The following BAIAP2L1 variants were observed in gnomAD, a reference collection of about 807,000 sequenced individuals.
The protein encoded by BAIAP2L1 is BAR/IMD domain containing adaptor protein 2 like 1.
BAIAP2L1 carries 35 observed loss-of-function variants against 66.3 expected under a neutral mutation model. That is an observed-to-expected ratio of 0.53 (90% CI 0.40 to 0.70). BAIAP2L1 has a LOEUF of 0.70. Ranked by LOEUF, BAIAP2L1 falls within the 30% of genes least tolerant of loss-of-function variation. The probability of loss-of-function intolerance (pLI) is 0.00; values close to 1 mark genes in which losing one functional copy is unlikely to be tolerated. For synonymous variants in BAIAP2L1, 269 were observed against 248.7 expected (o/e 1.08, Z -0.77); for missense variants, 622 against 656.9 (o/e 0.95, Z 0.58).
intron 6 of BAIAP2L1, among the ~76,000 whole-genome samples, chr7:98,316,927 A>C (rs1450673620): frequency 6.6e-6 from 1 of 151,538 alleles, no homozygotes; most frequent in Non-Finnish European, 1.5e-5. Context: ...GCAGTGGCAT[A>C]ATCTCGGCTC....
intron 3 of BAIAP2L1, among the ~76,000 whole-genome samples, chr7:98,335,700 C>T (rs901309890): frequency 6.6e-6 from 1 of 152,192 alleles, no homozygotes; most frequent in African/African-American, 2.4e-5. Context: ...CTGAGGCAGG[C>T]AGCAGTGGCA....
At chr7:98,399,559 C>A (rs1803300289) in intron 1 of BAIAP2L1, among the ~76,000 whole-genome samples, 1 of 152,152 alleles carries the variant, frequency 6.6e-6, no homozygotes, top group African/African-American at 2.4e-5. Context: ...ACCGACCAAC[C>A]ATTTATTTAT....
intron 1 of BAIAP2L1, among the ~76,000 whole-genome samples, chr7:98,391,869 C>T (rs1295295607): frequency 6.6e-6 from 1 of 152,050 alleles, no homozygotes; most frequent in East Asian, 1.9e-4. Context: ...AATTACTCTG[C>T]ACATATCTAC....
At chr7:98,399,061 A>ATTTACACAC (rs2115875670) in intron 1 of BAIAP2L1, among the ~76,000 whole-genome samples, 1 of 152,288 alleles carries the variant, frequency 6.6e-6, no homozygotes, top group South Asian at 2.1e-4. Context: ...AGAACGTTTT[A>ATTTACACAC]TTTACACACT....
At chr7:98,397,784 G>A (rs894768144) in intron 1 of BAIAP2L1, among the ~76,000 whole-genome samples, 8 of 152,176 alleles carry the variant, frequency 5.3e-5, no homozygotes, top group Non-Finnish European at 1.2e-4. Flanking sequence ...ATGCTATAAA[G>A]TGTGGAGTGG....
rs1396552336 is a variant in BAIAP2L1 at position 98,293,025 on chromosome 7, T to C, written c.*496A>G. On this transcript the variant is annotated 3_prime_UTR_variant, in exon 14 of 14. Transcript: ENST00000005260. ...AACATTTTAAGTTAAATTACATTTA[T>C]ATAGTATTTTCATAATTTATATTGC... 1.0e-6 allele frequency: 1 copy of C among 999,084 alleles called. No individual in the cohort carries two copies. Among genetic ancestry groups the C allele is most frequent in the Non-Finnish European group, 1.2e-6 (1 of 814,464 alleles). 61.9% of individuals were successfully genotyped at this position (999,084 alleles called of 1,614,324 possible). A position where few individuals can be genotyped will look rare whatever the true frequency, so the allele number is the denominator to read the frequency against.
intron 3 of BAIAP2L1, among the ~76,000 whole-genome samples, chr7:98,352,107 T>C (rs1622102): frequency 1 from 151,537 of 151,590 alleles, 75,742 homozygotes; most frequent in Middle Eastern, 1. Context: ...GAATTGTCCA[T>C]GACTCTTCCA....
chr7:98,383,488 T>G (rs898686582), intron 1 of BAIAP2L1, among the ~76,000 whole-genome samples: 5 of 151,860 alleles, frequency 3.3e-5, no homozygotes, highest in African/African-American at 1.2e-4. Flanking sequence ...GGTTTCTCCA[T>G]GTTGGTCAGG....
intron 1 of BAIAP2L1, among the ~76,000 whole-genome samples, chr7:98,365,817 T>G (rs1341283131): frequency 2.0e-5 from 3 of 152,214 alleles, no homozygotes; most frequent in African/African-American, 7.2e-5. Context: ...CTCCTGTTCT[T>G]GTTTTATAGA....
At chr7:98,347,594 T>C (rs569209096) in intron 3 of BAIAP2L1, among the ~76,000 whole-genome samples, 1 of 151,576 alleles carries the variant, frequency 6.6e-6, no homozygotes, top group East Asian at 1.9e-4. Context: ...GCTAACATGG[T>C]GAAAACCCGC....
intron 5 of BAIAP2L1, among the ~76,000 whole-genome samples, chr7:98,317,633 C>T (rs1395937718): frequency 1.3e-5 from 2 of 152,004 alleles, no homozygotes; most frequent in Non-Finnish European, 2.9e-5. Context: ...GACCCTCACC[C>T]TGCAGTTCAC....
At chr7:98,349,452 C>T (rs182467454) in intron 3 of BAIAP2L1, among the ~76,000 whole-genome samples, 3 of 152,264 alleles carry the variant, frequency 2.0e-5, no homozygotes, top group Non-Finnish European at 2.9e-5. Flanking sequence ...ATCCTTACCC[C>T]GTAACTCCTG....
At chr7:98,381,278 T>C (rs780251414) in intron 1 of BAIAP2L1, among the ~76,000 whole-genome samples, 3 of 152,230 alleles carry the variant, frequency 2.0e-5, no homozygotes, top group Non-Finnish European at 4.4e-5. Flanking sequence ...CTTCAGCGCA[T>C]GGAGAAAACT....
chr7:98,307,287 G>T (rs548307384), intron 10 of BAIAP2L1: 5 of 563,080 alleles, frequency 8.9e-6, no homozygotes, highest in African/African-American at 4.1e-5. Context: ...TGTATTTTTC[G>T]TAGAGATGGG....
At chr7:98,383,034 G>A (rs1401935838) in intron 1 of BAIAP2L1, among the ~76,000 whole-genome samples, 1 of 151,768 alleles carries the variant, frequency 6.6e-6, no homozygotes, top group African/African-American at 2.4e-5. Context: ...ATGGTAGCAC[G>A]TGCCTGTAAT....
In BAIAP2L1 at chr7:98,400,985, CGA is replaced by C. The variant is rs1284658675; in HGVS notation, c.-135_-134del. On this transcript the variant is annotated 5_prime_UTR_variant, in exon 1 of 14. Transcript: ENST00000005260. ...TCGGCCGCCGCCGCAGCCGTCGGCC[CGA>C]GAGTGCCCGCGCGCGTCTCCGCTGC... The C allele has an allele frequency of 1.4e-6, 1 of 696,298 alleles. No individual in the cohort carries two copies. Among genetic ancestry groups the C allele is most frequent in the South Asian group, 4.1e-5 (1 of 24,510 alleles). The allele number at this position is 696,298 out of a possible 1,614,324, so 43.1% of individuals were successfully genotyped here.
chr7:98,338,339 G>A (rs1342953063), intron 3 of BAIAP2L1, among the ~76,000 whole-genome samples: 1 of 151,270 alleles, frequency 6.6e-6, no homozygotes, highest in African/African-American at 2.4e-5. Context: ...GGAGAATGGC[G>A]TGAACCTGGG....
intron 1 of BAIAP2L1, among the ~76,000 whole-genome samples, chr7:98,367,747 T>C (rs1409030602): frequency 6.6e-6 from 1 of 151,924 alleles, no homozygotes; most frequent in Non-Finnish European, 1.5e-5. Flanking sequence ...TTAGCCAGGA[T>C]GGTCTCGATT....
At chr7:98,313,887 C>T (rs2116883178) in intron 7 of BAIAP2L1, among the ~76,000 whole-genome samples, 1 of 151,724 alleles carries the variant, frequency 6.6e-6, no homozygotes, top group African/African-American at 2.4e-5. Flanking sequence ...GCCTTGGGCT[C>T]CCAAAGGGCT....
Sources: gnomAD v4.1 joint callset for allele counts (sites outside exome capture counted in the v4.1 genomes callset) on GRCh38, gnomAD v4.1.1 for gene constraint, MANE v1.5 for transcripts, NCBI Gene and HGNC (gene_info 2026-07-23, HGNC 2026-07-21) for gene names.